PRKN: variants seen among roughly 807,000 people sequenced by gnomAD.
PRKN encodes the protein E3 ubiquitin-protein ligase parkin.
Under a neutral mutation model 59.5 loss-of-function variants are expected in PRKN, and 56 were observed. That is an observed-to-expected ratio of 0.94 (90% CI 0.76 to 1.18). The LOEUF (loss-of-function observed/expected upper bound fraction) is 1.18, where lower values mean the gene tolerates loss of function less well. PRKN is among the 50% of genes most tolerant of loss of function. PRKN has a pLI of 0.00. For synonymous variants in PRKN, 250 were observed against 222.1 expected, an observed-to-expected ratio of 1.13 and a Z score of -1.12; for missense variants, 657 against 596.4, an observed-to-expected ratio of 1.10 and a Z score of -1.06.
chr6:162,077,780 A>T (rs1193535754), intron 4 of PRKN, among the ~76,000 whole-genome samples: 6 of 151,966 alleles, frequency 3.9e-5, no homozygotes, highest in Non-Finnish European at 8.8e-5. Flanking sequence ...CGGGTGGATC[A>T]CCTGAGATCA....
At chr6:161,430,541 C>T (rs1426307473) in intron 9 of PRKN, among the ~76,000 whole-genome samples, 3 of 152,034 alleles carry the variant, frequency 2.0e-5, no homozygotes, top group Non-Finnish European at 4.4e-5. Flanking sequence ...ATGGGCCGGG[C>T]GTGGTGGCTC....
At position 161,391,697 on chromosome 6, in the gene PRKN, T is replaced by C. The variant is rs927062379; in HGVS notation, c.1084-4820A>G. Among the ~76,000 whole-genome samples, 2 of 152,066 alleles carry C rather than the reference T, an allele frequency of 1.3e-5. No homozygotes were observed. The highest frequency in any genetic ancestry group is 4.8e-5 in the African/African-American group (2 of 41,356). On this transcript the variant is annotated intron_variant, in intron 9 of 11. Coordinates refer to ENST00000366898, the MANE Select transcript of PRKN (RefSeq NM_004562.3). This position sits in a 1 kb window ranked among gnomAD's most constrained non-coding sequence, Gnocchi z 4.9. Reference sequence around the variant, plus strand: ...GTGACTAGGATCTATAATCAGTTTATTTTAAGTAAGAGAGATTATCCTAGA... The same window carrying C: ...GTGACTAGGATCTATAATCAGTTTACTTTAAGTAAGAGAGATTATCCTAGA...
chr6:162,090,028 AT>A (rs1779412090), intron 4 of PRKN, among the ~76,000 whole-genome samples: 1 of 152,232 alleles, frequency 6.6e-6, no homozygotes, highest in South Asian at 2.1e-4. Context: ...AAGATGGTCA[AT>A]TTAATGTTAG....
chr6:161,689,954 C>T (rs1291633442), intron 7 of PRKN, among the ~76,000 whole-genome samples: 1 of 152,062 alleles, frequency 6.6e-6, no homozygotes, highest in East Asian at 1.9e-4. Flanking sequence ...AAGGGATACA[C>T]GCCCGCCTCG....
intron 3 of PRKN, among the ~76,000 whole-genome samples, chr6:162,250,210 TA>T (rs1236779631): frequency 6.6e-6 from 1 of 151,772 alleles, no homozygotes; most frequent in Non-Finnish European, 1.5e-5. Context: ...GAATGGAGTG[TA>T]AAAAAATAGC....
At chr6:162,501,819 A>G (rs1478655987) in intron 1 of PRKN, among the ~76,000 whole-genome samples, 1 of 152,138 alleles carries the variant, frequency 6.6e-6, no homozygotes, top group Non-Finnish European at 1.5e-5. Flanking sequence ...GCACCCTTGA[A>G]GATAAGAAAC....
chr6:162,416,829 TA>T (rs1197664309), intron 2 of PRKN, among the ~76,000 whole-genome samples: 6 of 152,166 alleles, frequency 3.9e-5, no homozygotes, highest in Non-Finnish European at 8.8e-5. Context: ...TGTACATCCT[TA>T]AATTCTGTAC....
chr6:162,601,869 T>C (rs1781726561), intron 1 of PRKN, among the ~76,000 whole-genome samples: 1 of 152,200 alleles, frequency 6.6e-6, no homozygotes. Flanking sequence ...TATGAATTTA[T>C]CGTATCTTTA....
At chr6:161,392,978 T>C (rs964107558) in intron 9 of PRKN, among the ~76,000 whole-genome samples, 1 of 152,098 alleles carries the variant, frequency 6.6e-6, no homozygotes, top group Non-Finnish European at 1.5e-5. Context: ...GTGTACTAGA[T>C]CTTTACATGT....
intron 3 of PRKN, among the ~76,000 whole-genome samples, chr6:162,230,835 AG>A (rs1778391529): frequency 6.6e-6 from 1 of 152,228 alleles, no homozygotes; most frequent in Non-Finnish European, 1.5e-5. Flanking sequence ...TCTTTAAAGC[AG>A]TACTTTATAA....
chr6:162,053,996 C>T (rs1582961840), intron 5 of PRKN, 95 bp downstream of exon 5: 2 of 864,824 alleles, frequency 2.3e-6, no homozygotes, highest in East Asian at 4.8e-5. Context: ...GATGGAAGAA[C>T]AGTCAGTTGA....
rs956459849 is a variant in PRKN at position 161,410,604 on chromosome 6, C to T, written c.1084-23727G>A. ...CGAGAGGGGAAGGGCGAGCTATTTC[C>T]TCCATTCTGGTGCTCATCGTGGGCC... On this transcript the variant is annotated intron_variant, in intron 9 of 11. Coordinates refer to ENST00000366898, the MANE Select transcript of PRKN (RefSeq NM_004562.3). The surrounding 1 kb of genome is among the most constrained non-coding windows in gnomAD (Gnocchi z 5.3). Among the ~76,000 whole-genome samples, 1 of 152,116 alleles carries T rather than the reference C, an allele frequency of 6.6e-6. No homozygotes were observed. Among genetic ancestry groups the T allele is most frequent in the African/African-American group, 2.4e-5 (1 of 41,408 alleles).
chr6:161,367,053 T>G (rs10945746), intron 10 of PRKN, among the ~76,000 whole-genome samples: 5,251 of 140,550 alleles, frequency 0.037, 116 homozygotes, highest in Non-Finnish European at 0.059. Context: ...TGCAGTGGCG[T>G]GATCTCGGCT....
intron 6 of PRKN, among the ~76,000 whole-genome samples, chr6:161,852,445 T>C (rs1399298571): frequency 6.6e-6 from 1 of 152,050 alleles, no homozygotes; most frequent in Non-Finnish European, 1.5e-5. Context: ...AAAGCAAGGC[T>C]CTGTCTCTAA....
At chr6:162,444,777 A>C (rs971920952) in intron 1 of PRKN, among the ~76,000 whole-genome samples, 13 of 152,176 alleles carry the variant, frequency 8.5e-5, no homozygotes, top group Non-Finnish European at 1.9e-4. Context: ...AAGACCTATG[A>C]AAAATCCCCA....
rs185829418 is a variant in PRKN, at chr6:162,136,107, T to C, written c.534+65024A>G. 1.0e-4 allele frequency among the ~76,000 whole-genome samples: 15 copies of C among 149,208 alleles called. No individual in the cohort carries two copies. The East Asian group carries it at 2.3e-3, about 23-fold the overall frequency. On this transcript the variant is annotated intron_variant, in intron 4 of 11. Transcript: ENST00000366898. The stretch of plus-strand genomic sequence containing the variant: ...TTAAAACATAATGTATTTATGTATA[T>C]ATAAATATATATAAATAAATATATT...
rs945584584 is a variant in PRKN, at chr6:161,562,855, A to G, written c.933+6500T>C. Among the ~76,000 whole-genome samples the G allele has an allele frequency of 6.6e-6, 1 of 152,206 alleles. No individual in the cohort carries two copies. The highest frequency in any genetic ancestry group is 2.4e-5 in the African/African-American group (1 of 41,442). ...TATTGCAACAAGATTGACATACTCAAAATGTAATTTGGATAATGCTAACCC... is the reference window on the plus strand; with the variant it reads ...TATTGCAACAAGATTGACATACTCAGAATGTAATTTGGATAATGCTAACCC... On this transcript the variant is annotated intron_variant, in intron 8 of 11. Coordinates refer to ENST00000366898, the MANE Select transcript of PRKN (RefSeq NM_004562.3). The surrounding 1 kb of genome is among the most constrained non-coding windows in gnomAD (Gnocchi z 4.3).
chr6:162,208,742 A>G (rs1785065654), intron 3 of PRKN, among the ~76,000 whole-genome samples: 1 of 152,196 alleles, frequency 6.6e-6, no homozygotes, highest in Admixed American at 6.5e-5. Flanking sequence ...GCTTTCCAAA[A>G]GTTGAATAAA....
At chr6:162,138,682 G>C (rs1781649300) in intron 4 of PRKN, among the ~76,000 whole-genome samples, 2 of 152,056 alleles carry the variant, frequency 1.3e-5, no homozygotes, top group African/African-American at 2.4e-5. Context: ...ATCATGATGA[G>C]GAGAAAAGTG....
Sources: allele counts gnomAD v4.1 joint callset (sites outside exome capture counted in the v4.1 genomes callset), GRCh38; gene constraint gnomAD v4.1.1; non-coding constraint Gnocchi (gnomAD v3.1); transcripts MANE v1.5; gene names NCBI Gene and HGNC (gene_info 2026-07-23, HGNC 2026-07-21).